ERC2: variants seen among roughly 807,000 people sequenced by gnomAD.
The protein encoded by ERC2 is ELKS/RAB6-interacting/CAST family member 2.
Under a neutral mutation model 114.8 loss-of-function variants are expected in ERC2, and 42 were observed. That is an observed-to-expected ratio of 0.37 (90% confidence interval 0.29 to 0.47). ERC2 has a LOEUF of 0.47. Among genes scored for constraint, ERC2 ranks in the 20% least tolerant of loss-of-function variants. ERC2 has a pLI of 0.99. For synonymous variants in ERC2, 454 were observed against 425.5 expected, an observed-to-expected ratio of 1.07 and a Z score of -0.82; for missense variants, 939 against 1,150.7, an observed-to-expected ratio of 0.82 and a Z score of 2.66.
chr3:55,636,556 G>A (rs2148642370), intron 17 of ERC2, among the ~76,000 whole-genome samples: 1 of 152,292 alleles, frequency 6.6e-6, no homozygotes, highest in South Asian at 2.1e-4. Flanking sequence ...TGAGTGCATC[G>A]ATGACTGAAT....
At chr3:56,231,441 T>C (rs921666455) in intron 3 of ERC2, among the ~76,000 whole-genome samples, 2 of 152,170 alleles carry the variant, frequency 1.3e-5, no homozygotes, top group Non-Finnish European at 2.9e-5. Flanking sequence ...CGCAACACAT[T>C]ATCTGAGACC....
At chr3:56,179,484 G>C (rs1354973660) in intron 3 of ERC2, among the ~76,000 whole-genome samples, 1 of 152,166 alleles carries the variant, frequency 6.6e-6, no homozygotes, top group Non-Finnish European at 1.5e-5. Context: ...GGGTGGTGGT[G>C]ATAAGGACAG....
At chr3:55,781,026 C>T (rs1162169753) in intron 14 of ERC2, among the ~76,000 whole-genome samples, 2 of 152,200 alleles carry the variant, frequency 1.3e-5, no homozygotes, top group Admixed American at 6.5e-5. Flanking sequence ...GGGGCCTTAG[C>T]GTGTGGTATG....
chr3:55,717,077 AG>A lies in ERC2; in HGVS notation c.2713-17566del, dbSNP rs1442302200. 2.0e-5 allele frequency among the ~76,000 whole-genome samples: 3 copies of A among 152,158 alleles called. No individual in the cohort carries two copies. In the South Asian group the frequency reaches 6.2e-4, roughly 32 times the overall value. ...AGGTATTCAGTGAAGGAGGAAAAAA[AG>A]CTTGCTGGGCGATGTTAAAACAGAG... On this transcript the variant is annotated intron_variant, in intron 15 of 17. Transcript: ENST00000288221.
At chr3:55,838,213 A>C (rs549390190) in intron 14 of ERC2, among the ~76,000 whole-genome samples, 1 of 152,108 alleles carries the variant, frequency 6.6e-6, no homozygotes, top group Non-Finnish European at 1.5e-5. Context: ...CTTTGACTTA[A>C]TTGACATTTT....
chr3:56,243,577 C>T (rs959260390), intron 3 of ERC2, among the ~76,000 whole-genome samples: 1 of 152,024 alleles, frequency 6.6e-6, no homozygotes, highest in Non-Finnish European at 1.5e-5. Context: ...CTTTGGATCC[C>T]TGAAGAAAAA....
chr3:55,645,931 A>C (rs924917733), intron 17 of ERC2, among the ~76,000 whole-genome samples: 2 of 152,188 alleles, frequency 1.3e-5, no homozygotes, highest in Non-Finnish European at 2.9e-5. Flanking sequence ...CTTCCAAAAA[A>C]GCCATGTTGC....
intron 17 of ERC2, among the ~76,000 whole-genome samples, chr3:55,550,826 C>T (rs537131507): frequency 2.1e-4 from 32 of 151,890 alleles, no homozygotes; most frequent in Non-Finnish European, 4.1e-4. Flanking sequence ...ACCATCCTGG[C>T]TAACACGGTG....
At chr3:55,557,800 C>T (rs1284978989) in intron 17 of ERC2, among the ~76,000 whole-genome samples, 1 of 152,236 alleles carries the variant, frequency 6.6e-6, no homozygotes, top group African/African-American at 2.4e-5. Flanking sequence ...ATGCTGTTCT[C>T]TCTGTCTGGA....
chr3:55,655,015 C>T (rs962116365), intron 17 of ERC2, among the ~76,000 whole-genome samples: 4 of 152,206 alleles, frequency 2.6e-5, no homozygotes, highest in Admixed American at 1.3e-4. Context: ...CCTATACAGG[C>T]CTGTGGCAGG....
chr3:55,900,115 A>T (rs2064053167), intron 13 of ERC2, among the ~76,000 whole-genome samples: 1 of 152,150 alleles, frequency 6.6e-6, no homozygotes. Context: ...ACTGGTTATA[A>T]TCCGGTGGGG....
chr3:55,535,748 C>G (rs1184190417), intron 17 of ERC2, among the ~76,000 whole-genome samples: 1 of 152,220 alleles, frequency 6.6e-6, no homozygotes, highest in Non-Finnish European at 1.5e-5. Flanking sequence ...TATCCCAGCA[C>G]TTTGGGAGGC....
At chr3:56,428,883 G>C (rs1325089906) in intron 2 of ERC2, among the ~76,000 whole-genome samples, 1 of 152,194 alleles carries the variant, frequency 6.6e-6, no homozygotes, top group Admixed American at 6.5e-5. Context: ...GCACACGCAA[G>C]ATGGGTAAAT....
chr3:55,873,200 G>A (rs112703612), intron 14 of ERC2, among the ~76,000 whole-genome samples: 1,687 of 152,216 alleles, frequency 0.011, 33 homozygotes, highest in African/African-American at 0.039. Context: ...AATGCAGAGT[G>A]GGCAGGAAGA....
intron 12 of ERC2, among the ~76,000 whole-genome samples, chr3:55,955,974 A>G (rs2067925399): frequency 6.6e-6 from 1 of 152,222 alleles, no homozygotes; most frequent in South Asian, 2.1e-4. Context: ...CAATAACTGT[A>G]TCTAACTCAT....
chr3:55,786,991 G>A (rs1407349969), intron 14 of ERC2, among the ~76,000 whole-genome samples: 1 of 152,188 alleles, frequency 6.6e-6, no homozygotes, highest in African/African-American at 2.4e-5. Flanking sequence ...ATATATGGCT[G>A]CATTATGAAC....
chr3:55,609,324 T>G (rs1329480152), intron 17 of ERC2, among the ~76,000 whole-genome samples: 1 of 152,210 alleles, frequency 6.6e-6, no homozygotes, highest in East Asian at 1.9e-4. Context: ...GCCAATTAGC[T>G]TCCAGCATTC....
intron 14 of ERC2, among the ~76,000 whole-genome samples, chr3:55,770,129 A>G (rs2068089372): frequency 6.6e-6 from 1 of 152,182 alleles, no homozygotes; most frequent in Admixed American, 6.5e-5. Flanking sequence ...TTTCTCTGCC[A>G]GGAGAATGGC....
intron 13 of ERC2, among the ~76,000 whole-genome samples, chr3:55,914,858 T>G (rs1207346622): frequency 6.6e-6 from 1 of 152,208 alleles, no homozygotes; most frequent in Non-Finnish European, 1.5e-5. Flanking sequence ...TTTCTGGACA[T>G]TCTTCCTTCT....
Sources: allele counts gnomAD v4.1 joint callset (sites outside exome capture counted in the v4.1 genomes callset), GRCh38; gene constraint gnomAD v4.1.1; transcripts MANE v1.5; gene names NCBI Gene and HGNC (gene_info 2026-07-23, HGNC 2026-07-21).